Variants in CEP85L observed in about 807,000 individuals in gnomAD.
CEP85L encodes the protein centrosomal protein 85L.
Under a neutral mutation model 100.3 loss-of-function variants are expected in CEP85L, and 60 were observed. The observed-to-expected ratio is 0.60, with a 90% confidence interval of 0.49 to 0.74. The LOEUF (loss-of-function observed/expected upper bound fraction) is 0.74, where lower values mean the gene tolerates loss of function less well. CEP85L is among the 30% of genes least tolerant of loss of function. The probability of loss-of-function intolerance (pLI) is 0.00; values close to 1 mark genes in which losing one functional copy is unlikely to be tolerated. For synonymous variants in CEP85L, 319 were observed against 322.7 expected, an observed-to-expected ratio of 0.99 and a Z score of 0.12; for missense variants, 973 against 936.2, an observed-to-expected ratio of 1.04 and a Z score of -0.51.
chr6:118,641,828 G>GA (rs11289822), intron 1 of CEP85L, among the ~76,000 whole-genome samples: 15 of 149,692 alleles, frequency 1.0e-4, no homozygotes, highest in Admixed American at 2.0e-4. Context: ...TTTTGCAAGA[G>GA]AAAAAAAAAA....
chr6:118,534,214 T>TA (rs1454925406), intron 3 of CEP85L, among the ~76,000 whole-genome samples: 2 of 152,096 alleles, frequency 1.3e-5, no homozygotes, highest in Non-Finnish European at 2.9e-5. Context: ...CAATTTTTTT[T>TA]AAAAAACCAA....
At chr6:118,594,626 TG>T (rs2115138756) in intron 2 of CEP85L, among the ~76,000 whole-genome samples, 1 of 152,018 alleles carries the variant, frequency 6.6e-6, no homozygotes, top group Non-Finnish European at 1.5e-5. Flanking sequence ...CCCAGCACTT[TG>T]GGAGGCCGAG....
intron 3 of CEP85L, chr6:118,559,148 A>T: frequency 8.6e-7 from 1 of 1,169,346 alleles, no homozygotes; most frequent in Non-Finnish European, 1.3e-6. Flanking sequence ...CCATGCAGAC[A>T]GGAAAACAAT....
chr6:118,644,271 A>G lies in CEP85L; in HGVS notation c.73+6926T>C, dbSNP rs1192210590. On this transcript the variant is annotated intron_variant, in intron 1 of 12. Coordinates refer to ENST00000368491, the MANE Select transcript of CEP85L (RefSeq NM_001042475.3). Reference sequence around the variant, plus strand: ...ACTTCATTGTCCTGCTTTTACTCCTACCACCCTGGCTGCTCCTTCTCAGTG... The same window carrying G: ...ACTTCATTGTCCTGCTTTTACTCCTGCCACCCTGGCTGCTCCTTCTCAGTG... 5.9e-5 allele frequency among the ~76,000 whole-genome samples: 9 copies of G among 151,686 alleles called. No individual in the cohort carries two copies. In the South Asian group the frequency reaches 1.5e-3, roughly 25 times the overall value.
chr6:118,589,482 A>C (rs1781055310), intron 2 of CEP85L: 2 of 257,730 alleles, frequency 7.8e-6, no homozygotes, highest in African/African-American at 4.6e-5. Context: ...AATGGGAAAC[A>C]GCTGTGTCCC....
At chr6:118,567,979 C>T (rs1230568451) in intron 2 of CEP85L, among the ~76,000 whole-genome samples, 2 of 152,164 alleles carry the variant, frequency 1.3e-5, no homozygotes, top group Non-Finnish European at 2.9e-5. Flanking sequence ...CTCCAACCCT[C>T]CCAAAATATA....
At chr6:118,588,336 A>G (rs905392228) in intron 2 of CEP85L, among the ~76,000 whole-genome samples, 1 of 152,202 alleles carries the variant, frequency 6.6e-6, no homozygotes, top group Non-Finnish European at 1.5e-5. Flanking sequence ...TTATAATGCA[A>G]TGAGGATGGA....
chr6:118,687,676 G>A (rs1433999268), intron 1 of CEP85L, among the ~76,000 whole-genome samples: 1 of 152,162 alleles, frequency 6.6e-6, no homozygotes, highest in Non-Finnish European at 1.5e-5. Context: ...TGGGAGCCCT[G>A]TTTTCACTCT....
chr6:118,486,407 T>C (rs552827871), intron 6 of CEP85L, among the ~76,000 whole-genome samples: 3 of 152,336 alleles, frequency 2.0e-5, no homozygotes, highest in Admixed American at 2.0e-4. Flanking sequence ...TATAAGAAGT[T>C]CACAAAGTTA....
chr6:118,557,564 G>A (rs753510170), intron 3 of CEP85L, among the ~76,000 whole-genome samples: 1 of 152,136 alleles, frequency 6.6e-6, no homozygotes, highest in South Asian at 2.1e-4. Context: ...TGTTTAAGTT[G>A]TCCTGGGTTG....
intron 1 of CEP85L, among the ~76,000 whole-genome samples, chr6:118,667,341 G>T (rs1477389098): frequency 6.6e-6 from 1 of 152,108 alleles, no homozygotes; most frequent in Non-Finnish European, 1.5e-5. Flanking sequence ...CTGCTCTAAG[G>T]TTTGATTTCC....
intron 6 of CEP85L, among the ~76,000 whole-genome samples, chr6:118,486,377 G>T (rs1774187810): frequency 6.6e-6 from 1 of 152,044 alleles, no homozygotes; most frequent in Non-Finnish European, 1.5e-5. Flanking sequence ...TTCCTAGAAG[G>T]TAATAGGAAG....
At chr6:118,515,074 G>T (rs1285136950) in intron 4 of CEP85L, among the ~76,000 whole-genome samples, 1 of 151,872 alleles carries the variant, frequency 6.6e-6, no homozygotes, top group African/African-American at 2.4e-5. Flanking sequence ...ACTTCTTGGT[G>T]TTGGAATTAC....
chr6:118,488,140 C>A (rs975784272), intron 6 of CEP85L, among the ~76,000 whole-genome samples: 2 of 151,942 alleles, frequency 1.3e-5, no homozygotes, highest in Admixed American at 1.3e-4. Flanking sequence ...ATATAATATA[C>A]AAGTATCAAC....
intron 8 of CEP85L, 76 bp downstream of exon 8, chr6:118,481,703 A>G (rs1025246096): frequency 1.9e-5 from 17 of 878,942 alleles, no homozygotes; most frequent in Non-Finnish European, 2.6e-5. Flanking sequence ...AATAAAAATT[A>G]TAAATTAATT....
intron 5 of CEP85L, chr6:118,501,655 A>C (rs965433109): frequency 3.1e-6 from 2 of 653,456 alleles, no homozygotes; most frequent in African/African-American, 3.6e-5. Flanking sequence ...ATAAAGCTGC[A>C]AAGAAGCTGT....
At chr6:118,658,145 GTTA>G (rs976846783) in intron 1 of CEP85L, among the ~76,000 whole-genome samples, 9 of 152,100 alleles carry the variant, frequency 5.9e-5, no homozygotes, top group African/African-American at 2.2e-4. Context: ...ATTTTAACAA[GTTA>G]TTATAATAAA....
At chr6:118,649,997 G>A (rs1254992305) in intron 1 of CEP85L, among the ~76,000 whole-genome samples, 1 of 152,088 alleles carries the variant, frequency 6.6e-6, no homozygotes, top group Admixed American at 6.6e-5. Flanking sequence ...CTAGTGACTC[G>A]GTCAGTGCCT....
intron 2 of CEP85L, among the ~76,000 whole-genome samples, chr6:118,568,150 T>C (rs1779660406): frequency 6.6e-6 from 1 of 152,224 alleles, no homozygotes; most frequent in South Asian, 2.1e-4. Context: ...GCATCACCTT[T>C]CCACAACAGC....
Sources: allele counts gnomAD v4.1 joint callset (sites outside exome capture counted in the v4.1 genomes callset), GRCh38; gene constraint gnomAD v4.1.1; transcripts MANE v1.5; gene names NCBI Gene and HGNC (gene_info 2026-07-23, HGNC 2026-07-21).